SUGCT: variants seen among roughly 807,000 people sequenced by gnomAD.
SUGCT encodes the protein succinyl-CoA:glutarate-CoA transferase.
In SUGCT, 41 loss-of-function variants were observed where a neutral mutation model predicts 55.0. The observed-to-expected ratio is 0.74, with a 90% confidence interval of 0.58 to 0.97. The LOEUF (loss-of-function observed/expected upper bound fraction) is 0.97, where lower values mean the gene tolerates loss of function less well. Among genes scored for constraint, SUGCT ranks in the 50% least tolerant of loss-of-function variants. SUGCT has a pLI of 0.00. For missense variants in SUGCT, 568 were observed against 547.8 expected, an observed-to-expected ratio of 1.04 and a Z score of -0.37; for synonymous variants, 187 against 200.4, an observed-to-expected ratio of 0.93 and a Z score of 0.56.
chr7:40,399,130 A>T (rs1415352879), intron 9 of SUGCT, among the ~76,000 whole-genome samples: 1 of 152,206 alleles, frequency 6.6e-6, no homozygotes, highest in African/African-American at 2.4e-5. Context: ...TTGATGCATC[A>T]GTCAGGAAAT....
At chr7:40,730,402 C>A (rs1786834309) in intron 12 of SUGCT, among the ~76,000 whole-genome samples, 1 of 152,102 alleles carries the variant, frequency 6.6e-6, no homozygotes, top group African/African-American at 2.4e-5. Flanking sequence ...CCACCATGCC[C>A]AGTCTATTTT....
rs1799906996 is a variant in SUGCT, at chr7:40,633,906, C to A, written c.1090-115528C>A. On this transcript the variant is annotated intron_variant, in intron 12 of 13. Transcript: ENST00000335693. The stretch of plus-strand genomic sequence containing the variant: ...TATTATTTTTAGTTCTTTATTAGAG[C>A]AAATATATCATTTTATGCAATGATA... Among the ~76,000 whole-genome samples, 3 of 152,212 alleles carry A rather than the reference C, an allele frequency of 2.0e-5. No homozygotes were observed. The South Asian group carries it at 6.2e-4, about 32-fold the overall frequency.
chr7:40,700,613 T>C (rs1785133098), intron 12 of SUGCT, among the ~76,000 whole-genome samples: 1 of 152,270 alleles, frequency 6.6e-6, no homozygotes, highest in South Asian at 2.1e-4. Flanking sequence ...GACTTTTCCC[T>C]GTCCTGGAAA....
In SUGCT at chr7:40,797,716, A is replaced by AC. The variant is rs138766700; in HGVS notation, c.1153+48227dup. On this transcript the variant is annotated intron_variant, in intron 13 of 13. Transcript: ENST00000335693. ...CAGGGTCACCTGATGAAAAGCATGA[A>AC]CCCCCCCCAAATAAATGGTGGGCTG... 1.6e-3 allele frequency among the ~76,000 whole-genome samples: 243 copies of AC among 151,798 alleles called. 3 individuals carry two copies. The highest frequency in any genetic ancestry group is 3.0e-3 in the African/African-American group (123 of 41,376).
At chr7:40,318,873 T>TA (rs1395917610) in intron 9 of SUGCT, among the ~76,000 whole-genome samples, 1 of 152,254 alleles carries the variant, frequency 6.6e-6, no homozygotes, top group Non-Finnish European at 1.5e-5. Context: ...TTTGCTCATT[T>TA]AAAAAATGGA....
chr7:40,834,995 T>C (rs1044659840), intron 13 of SUGCT, among the ~76,000 whole-genome samples: 4 of 152,226 alleles, frequency 2.6e-5, no homozygotes. Flanking sequence ...TTTTAGTGTT[T>C]TCATTCATTA....
intron 12 of SUGCT, among the ~76,000 whole-genome samples, chr7:40,570,850 C>CTTTTTTTTTTTTTTTTTTTTT (rs776733346): frequency 2.3e-4 from 12 of 52,304 alleles, no homozygotes; most frequent in African/African-American, 1.0e-3. Context: ...GCTTTAGGCT[C>CTTTTTTTTTTTTTTTTTTTTT]TTTTTTTTTT....
the SUGCT span, among the ~76,000 whole-genome samples, chr7:40,975,016 G>C: frequency 6.6e-6 from 1 of 152,024 alleles, no homozygotes; most frequent in Admixed American, 6.6e-5. Context: ...CGCAGTAGGT[G>C]GTCAATAAAC....
the SUGCT span, among the ~76,000 whole-genome samples, chr7:40,902,904 A>G: frequency 6.6e-6 from 1 of 152,164 alleles, no homozygotes; most frequent in East Asian, 1.9e-4. Context: ...ACTAGAAAAC[A>G]CCATAGGCAA....
chr7:40,921,043 C>G, the SUGCT span, among the ~76,000 whole-genome samples: 1 of 152,108 alleles, frequency 6.6e-6, no homozygotes, highest in African/African-American at 2.4e-5. Context: ...GTACTGTTAG[C>G]TCCACACTCT....
Position 40,277,450 on chromosome 7 carries a change from A to G in SUGCT, c.720+2794A>G, listed in dbSNP as rs554509813. On this transcript the variant is annotated intron_variant, in intron 8 of 13. Coordinates refer to ENST00000335693, the MANE Select transcript of SUGCT (RefSeq NM_001193313.2). ...AGTGATCCACCTGCCTCAGCCTCCC[A>G]AAGTGCTGGGATTATAGGCGTGAGC... 2.5e-3 allele frequency among the ~76,000 whole-genome samples: 383 copies of G among 152,008 alleles called. 1 individual carries two copies. The highest frequency in any genetic ancestry group is 4.1e-3 in the Non-Finnish European group (279 of 67,984).
chr7:40,135,355 G>A (rs1787622731), intron 1 of SUGCT, among the ~76,000 whole-genome samples: 1 of 152,228 alleles, frequency 6.6e-6, no homozygotes, highest in Admixed American at 6.5e-5. Context: ...GTGCGCCGTG[G>A]GGTCCCGCTC....
chr7:40,624,751 T>A (rs1204991045), intron 12 of SUGCT, among the ~76,000 whole-genome samples: 2 of 149,704 alleles, frequency 1.3e-5, no homozygotes, highest in Non-Finnish European at 3.0e-5. Context: ...CTCCTCTGTC[T>A]CTGTAAAACG....
At chr7:40,404,879 T>C (rs1194137602) in intron 9 of SUGCT, among the ~76,000 whole-genome samples, 1 of 152,228 alleles carries the variant, frequency 6.6e-6, no homozygotes, top group Non-Finnish European at 1.5e-5. Context: ...AGGTTCTTAA[T>C]GTTTACAGAG....
At chr7:40,489,461 A>T (rs919872176) in intron 11 of SUGCT, among the ~76,000 whole-genome samples, 2 of 152,104 alleles carry the variant, frequency 1.3e-5, no homozygotes, top group Non-Finnish European at 1.5e-5. Flanking sequence ...CAGGAGGATC[A>T]CCTGAGGTCA....
intron 13 of SUGCT, among the ~76,000 whole-genome samples, chr7:40,786,271 T>G (rs1168758288): frequency 6.6e-6 from 1 of 152,180 alleles, no homozygotes; most frequent in Non-Finnish European, 1.5e-5. Context: ...AGAAAATGAT[T>G]CAGGAGGTAA....
intron 9 of SUGCT, among the ~76,000 whole-genome samples, chr7:40,395,099 C>CA (rs1168624930): frequency 6.6e-6 from 1 of 152,024 alleles, no homozygotes; most frequent in East Asian, 1.9e-4. Context: ...TCTCATAGGC[C>CA]AGGTAGGCAC....
chr7:40,774,603 G>A (rs373684339), intron 13 of SUGCT, among the ~76,000 whole-genome samples: 1 of 152,124 alleles, frequency 6.6e-6, no homozygotes, highest in Admixed American at 6.5e-5. Context: ...CCGAAATGCA[G>A]TTATAATTTC....
At chr7:40,844,450 C>G in intron 13 of SUGCT, among the ~76,000 whole-genome samples, 1 of 152,020 alleles carries the variant, frequency 6.6e-6, no homozygotes, top group Non-Finnish European at 1.5e-5. Context: ...CCTGAATGAC[C>G]GAACTCTTCT....
Sources: gnomAD v4.1 joint callset for allele counts (sites outside exome capture counted in the v4.1 genomes callset) on GRCh38, gnomAD v4.1.1 for gene constraint, MANE v1.5 for transcripts, NCBI Gene and HGNC (gene_info 2026-07-23, HGNC 2026-07-21) for gene names.